The following KHDC4 variants were observed in gnomAD, a reference collection of about 807,000 sequenced individuals.
KHDC4 encodes the protein KH domain containing 4, pre-mRNA splicing factor.
In KHDC4, 19 loss-of-function variants were observed where a neutral mutation model predicts 74.5. The observed-to-expected ratio is 0.26, with a 90% CI of 0.18 to 0.37. The LOEUF (loss-of-function observed/expected upper bound fraction) is 0.37, where lower values mean the gene tolerates loss of function less well. Among genes scored for constraint, KHDC4 ranks in the 10% least tolerant of loss-of-function variants. The pLI is 1.00. For missense variants in KHDC4, 632 were observed against 754.1 expected (o/e 0.84, Z 1.90); for synonymous variants, 253 against 266.1 (o/e 0.95, Z 0.48).
At chr1:155,927,778 G>A (rs1446873304) in intron 4 of KHDC4, among the ~76,000 whole-genome samples, 4 of 137,876 alleles carry the variant, frequency 2.9e-5, no homozygotes, top group African/African-American at 1.1e-4. Flanking sequence ...ACACCAGCCG[G>A]GGCAACAGAA....
intron 12 of KHDC4, 33 bp downstream of exon 12, chr1:155,916,592 T>C (rs750393052): frequency 4.3e-6 from 6 of 1,403,702 alleles, no homozygotes; most frequent in Admixed American, 3.4e-5. Context: ...ACAAATAACA[T>C]CTGAATACAT....
intron 1 of KHDC4, 151 bp downstream of exon 1, chr1:155,934,185 C>A (rs1051469364): frequency 1.2e-5 from 11 of 898,172 alleles, no homozygotes; most frequent in Non-Finnish European, 1.8e-5. Flanking sequence ...CCTTTAAGGG[C>A]CCCAGGCCTG....
chr1:155,927,053 T>G, intron 5 of KHDC4, 51 bp downstream of exon 5: 2 of 1,536,480 alleles, frequency 1.3e-6, no homozygotes, highest in Non-Finnish European at 1.8e-6. Flanking sequence ...TACAGAGCCC[T>G]GTACTTTGCT....
At chr1:155,916,965 C>T in intron 11 of KHDC4, 1 of 361,818 alleles carries the variant, frequency 2.8e-6, no homozygotes, top group Non-Finnish European at 5.0e-6. Flanking sequence ...TATCTATGGC[C>T]TGTTTTTAAC....
At chr1:155,924,337 T>C (rs933100534) in intron 7 of KHDC4, among the ~76,000 whole-genome samples, 3 of 150,758 alleles carry the variant, frequency 2.0e-5, no homozygotes, top group East Asian at 2.0e-4. Flanking sequence ...AGCCCCCGAG[T>C]TGCTGGCACT....
chr1:155,917,177 A>G (rs1004465791), intron 11 of KHDC4, among the ~76,000 whole-genome samples: 2 of 152,158 alleles, frequency 1.3e-5, no homozygotes, highest in African/African-American at 4.8e-5. Context: ...CTTTTCTAGC[A>G]GTCTTGAGGG....
chr1:155,933,081 G>A (rs1490683874), intron 2 of KHDC4, among the ~76,000 whole-genome samples: 1 of 152,138 alleles, frequency 6.6e-6, no homozygotes, highest in Non-Finnish European at 1.5e-5. Context: ...AATGACTATG[G>A]AAATACAGCT....
At chr1:155,928,796 C>T (rs549967591) in intron 4 of KHDC4, among the ~76,000 whole-genome samples, 2 of 151,020 alleles carry the variant, frequency 1.3e-5, no homozygotes, top group African/African-American at 4.9e-5. Flanking sequence ...ACTAAAAATA[C>T]AAAAAATTAG....
chr1:155,916,948 A>C (rs986653085), intron 11 of KHDC4: 3 of 429,676 alleles, frequency 7.0e-6, no homozygotes, highest in Non-Finnish European at 4.1e-6. Context: ...GTTATAATTC[A>C]TTATGCTATC....
At position 155,926,690 on chromosome 1, in the gene KHDC4, G is replaced by C. The variant is rs1394427185; in HGVS notation, c.667C>G (p.Pro223Ala). The C allele has an allele frequency of 6.2e-7, 1 of 1,614,154 alleles. No homozygotes were observed. The highest frequency in any genetic ancestry group is 1.7e-5 in the Admixed American group (1 of 60,022). Residue 223 changes from proline (P) to alanine (A), a missense_variant, in exon 6 of 14, where the codon CCC (proline) becomes GCC (alanine). Around this residue, in one of 4 missense-constraint regions of KHDC4, gnomAD observed 233 missense variants for 342.6 expected, o/e 0.68. Coordinates refer to ENST00000368321, the MANE Select transcript of KHDC4 (RefSeq NM_014949.4). ...QLSPAVSQKP[P>A]FQSGMHYVQD... is the part of the protein sequence containing the mutation. Reference sequence around the variant, plus strand: ...CCAAAACATACCCCTGACTGGAAGGGAGGCTTCTGGCTAACAGCTGGAGAC... The same window carrying C: ...CCAAAACATACCCCTGACTGGAAGGCAGGCTTCTGGCTAACAGCTGGAGAC...
chr1:155,921,963 G>T, intron 8 of KHDC4, 45 bp from the exon 9 acceptor site: 1 of 1,284,816 alleles, frequency 7.8e-7, no homozygotes, highest in African/African-American at 1.5e-5. Context: ...AGCCGAAGCT[G>T]TGCATTTACA....
intron 8 of KHDC4, among the ~76,000 whole-genome samples, chr1:155,922,193 T>A (rs913264629): frequency 1.4e-5 from 2 of 139,730 alleles, no homozygotes; most frequent in Non-Finnish European, 3.0e-5. Flanking sequence ...TCACCCAGGG[T>A]ACAATGCAAT....
chr1:155,916,112 C>T, intron 12 of KHDC4, 148 bp from the exon 13 acceptor site: 1 of 602,200 alleles, frequency 1.7e-6, no homozygotes, highest in South Asian at 2.2e-5. Flanking sequence ...CCCCCAGCCC[C>T]TTTATAAAAG....
At chr1:155,921,111 A>G (rs1673853590) in intron 10 of KHDC4, 2 of 465,178 alleles carry the variant, frequency 4.3e-6, no homozygotes. Context: ...TTGCCATCTG[A>G]CCCTTTATAG....
chr1:155,927,831 ACCACACACACACACACACAC>A (rs1557970658), intron 4 of KHDC4, among the ~76,000 whole-genome samples: 1 of 28,514 alleles, frequency 3.5e-5, no homozygotes, highest in Non-Finnish European at 7.6e-5. Context: ...AAAAAAAAAA[ACCACACACACACACACACAC>A]ACACACACAC....
chr1:155,916,924 AC>A, intron 11 of KHDC4, 187 bp from the exon 12 acceptor site: 2 of 499,144 alleles, frequency 4.0e-6, no homozygotes, highest in South Asian at 5.6e-5. Flanking sequence ...TCTCTATAGG[AC>A]TTGGACAGGG....
rs976164394 is a variant in KHDC4, at chr1:155,913,345, C to T, written c.*776G>A. On this transcript the variant is annotated 3_prime_UTR_variant, in exon 14 of 14. Coordinates refer to ENST00000368321, the MANE Select transcript of KHDC4 (RefSeq NM_014949.4). ...CAGTCAGATCTCTCTGTTTTAGCTGCAACCAGTTCTGGGAGAGAGAGACCA... is the reference window on the plus strand; with the variant it reads ...CAGTCAGATCTCTCTGTTTTAGCTGTAACCAGTTCTGGGAGAGAGAGACCA... 3 of 152,428 alleles carry T rather than the reference C, an allele frequency of 2.0e-5. No homozygotes were observed. The highest frequency in any genetic ancestry group is 6.5e-5 in the Admixed American group (1 of 15,278). The allele number at this position is 152,428 out of a possible 1,614,324, so 9.4% of individuals were successfully genotyped here. A position where few individuals can be genotyped will look rare whatever the true frequency, so the allele number is the denominator to read the frequency against.
At position 155,933,785 on chromosome 1, in the gene KHDC4, C is replaced by G. The variant is rs749058351; in HGVS notation, c.103G>C (p.Gly35Arg). 6.3e-7 allele frequency: 1 copy of G among 1,595,994 alleles called. No homozygotes were observed. The change falls in exon 2 of 14, where the codon GGT (glycine) becomes CGT (arginine). Residue 35 changes from glycine (G) to arginine (R), a missense_variant. Physicochemically the swap from Gly to Arg is moderately radical, Grantham distance 125. Around this residue, in one of 4 missense-constraint regions of KHDC4, gnomAD observed 104 missense variants for 78.1 expected, o/e 1.33. Coordinates refer to ENST00000368321, the MANE Select transcript of KHDC4 (RefSeq NM_014949.4). ...PLLFLPPAAP[G>R]GEVTSSGGSP... is the part of the protein sequence containing the mutation. ...CCCCCACTGCTGGTGACCTCCCCACCTGGGGCCGCTGGCGGGAGGAAGAGA... is the reference window on the plus strand; with the variant it reads ...CCCCCACTGCTGGTGACCTCCCCACGTGGGGCCGCTGGCGGGAGGAAGAGA...
rs185246134 is a variant in KHDC4, at chr1:155,929,721, A to C, written c.375T>G (p.Thr125=). 12 of 1,610,092 alleles carry C rather than the reference A, an allele frequency of 7.5e-6. No homozygotes were observed. The Admixed American group carries it at 1.9e-4, about 25-fold the overall frequency. Residue 125 remains threonine, a synonymous_variant, in exon 3 of 14, where the codon ACT becomes ACG. Coordinates refer to ENST00000368321, the MANE Select transcript of KHDC4 (RefSeq NM_014949.4). ...CTCAATGCCTCCTCACCTCGTCTTG[A>C]GTCTGTCCTCGAGTCAGCAAGTTCC... The part of the protein sequence containing the change: ...TCRNLLTRGQ[T]QDEISRLSGA...
Sources: allele counts gnomAD v4.1 joint callset (sites outside exome capture counted in the v4.1 genomes callset), GRCh38; gene constraint gnomAD v4.1.1; regional missense constraint gnomAD v4.1.1; transcripts MANE v1.5; gene names NCBI Gene and HGNC (gene_info 2026-07-23, HGNC 2026-07-21).